BBIP1: variants seen among roughly 807,000 people sequenced by gnomAD.
The protein encoded by BBIP1 is BBSome-interacting protein 1.
Under a neutral mutation model 8.9 loss-of-function variants are expected in BBIP1, and 6 were observed. The observed-to-expected ratio is 0.67, with a 90% CI of 0.37 to 1.33. The LOEUF (loss-of-function observed/expected upper bound fraction) is 1.33, where lower values mean the gene tolerates loss of function less well. BBIP1 is among the 40% of genes most tolerant of loss of function. BBIP1 has a pLI of 0.02. For synonymous variants in BBIP1, 32 were observed against 33.4 expected, an observed-to-expected ratio of 0.96 and a Z score of 0.14; for missense variants, 111 against 109.2, an observed-to-expected ratio of 1.02 and a Z score of -0.07.
intron 2 of BBIP1, chr10:110,907,657 T>C (rs1444091298): frequency 4.6e-6 from 3 of 649,658 alleles, no homozygotes; most frequent in Non-Finnish European, 8.3e-6. Flanking sequence ...AAGTTTAGGA[T>C]CTGAAAAGTG....
Position 110,902,082 on chromosome 10 carries a change from C to G in BBIP1, c.38-470G>C, listed in dbSNP as rs142421588. 68 of 158,520 alleles carry G rather than the reference C, an allele frequency of 4.3e-4. No homozygotes were observed. In the East Asian group the frequency reaches 0.012, roughly 27 times the overall value. 9.8% of individuals were successfully genotyped at this position (158,520 alleles called of 1,614,324 possible). A position where few individuals can be genotyped will look rare whatever the true frequency, so the allele number is the denominator to read the frequency against. On this transcript the variant is annotated intron_variant, in intron 2 of 3. Coordinates refer to ENST00000448814, the MANE Select transcript of BBIP1 (RefSeq NM_001195305.3). ...TTCCTAAGATTCCTACTTGTCTCAA[C>G]GGCCAACAGCTGGTTTCTACTTTGT... is the stretch of plus-strand genomic sequence containing the variant.
chr10:110,902,464 T>C (rs905441281), intron 2 of BBIP1: 2 of 152,338 alleles, frequency 1.3e-5, no homozygotes, highest in South Asian at 2.1e-4. Context: ...GATGCAACCT[T>C]ACCATGCATC....
chr10:110,900,837 A>G (rs1280375609), intron 3 of BBIP1: 2 of 278,280 alleles, frequency 7.2e-6, no homozygotes, highest in East Asian at 1.8e-4. Context: ...ATATATACAT[A>G]GTGCAAAAAA....
chr10:110,906,859 C>T (rs1846156342), intron 2 of BBIP1: 1 of 152,186 alleles, frequency 6.6e-6, no homozygotes, highest in African/African-American at 2.4e-5. Flanking sequence ...TGTGCCCAGC[C>T]CTATTCTTCA....
intron 2 of BBIP1, chr10:110,904,434 A>T (rs1846081593): frequency 6.6e-6 from 1 of 152,198 alleles, no homozygotes; most frequent in Non-Finnish European, 1.5e-5. Flanking sequence ...TTTCAGTTTT[A>T]AGAAGAAAAT....
intron 1 of BBIP1, among the ~76,000 whole-genome samples, chr10:110,918,542 G>C (rs1250961130): frequency 6.6e-6 from 1 of 152,250 alleles, no homozygotes; most frequent in African/African-American, 2.4e-5. Context: ...GTACTTAATA[G>C]GAACTTGCGG....
Position 110,900,422 on chromosome 10 carries a change from CT to C in BBIP1, c.216del (p.Ala73HisfsTer18). 2 of 1,535,858 alleles carry C rather than the reference CT, an allele frequency of 1.3e-6. No individual in the cohort carries two copies. Among genetic ancestry groups the C allele is most frequent in the East Asian group, 2.4e-5 (1 of 40,874 alleles). The stretch of plus-strand genomic sequence containing the variant: ...TCTTGTTGGCGAATTGTATTCTGTG[CT>C]GCTTGATGCATTTTCTCTAGTTTTT... Reference protein sequence around the residue: ...TLEKLEKMHQAAQNTIRQQEM... With the variant: ...TLEKLEKMHQXAQNTIRQQEM... On this transcript the variant is annotated frameshift_variant, in exon 4 of 4. Coordinates refer to ENST00000448814, the MANE Select transcript of BBIP1 (RefSeq NM_001195305.3). LOFTEE classifies it high-confidence loss of function.
chr10:110,912,547 A>T (rs144389215), intron 2 of BBIP1, among the ~76,000 whole-genome samples: 1 of 152,162 alleles, frequency 6.6e-6, no homozygotes, highest in East Asian at 1.9e-4. Flanking sequence ...GTGGACAGAC[A>T]GAGAAGGAGA....
intron 2 of BBIP1, among the ~76,000 whole-genome samples, chr10:110,909,932 A>G (rs1425745111): frequency 1.3e-5 from 2 of 152,248 alleles, no homozygotes; most frequent in Non-Finnish European, 2.9e-5. Flanking sequence ...TACCAGCCGT[A>G]GCTAAGTGAG....
At chr10:110,915,362 C>T (rs1846378292) in intron 2 of BBIP1, among the ~76,000 whole-genome samples, 1 of 152,072 alleles carries the variant, frequency 6.6e-6, no homozygotes, top group African/African-American at 2.4e-5. Context: ...CCGTATTGCC[C>T]AGGCTGGTCT....
At chr10:110,903,126 T>C (rs993101740) in intron 2 of BBIP1, 1 of 152,210 alleles carries the variant, frequency 6.6e-6, no homozygotes, top group Non-Finnish European at 1.5e-5. Flanking sequence ...TGTTGATAAA[T>C]GTGAAGGAAA....
intron 2 of BBIP1, among the ~76,000 whole-genome samples, chr10:110,916,669 A>G (rs972275935): frequency 2.0e-5 from 3 of 152,222 alleles, no homozygotes; most frequent in Non-Finnish European, 4.4e-5. Context: ...TGCAGGGCCC[A>G]CACATCTTTC....
At chr10:110,905,854 A>G (rs912011530) in intron 2 of BBIP1, among the ~76,000 whole-genome samples, 1 of 152,210 alleles carries the variant, frequency 6.6e-6, no homozygotes, top group African/African-American at 2.4e-5. Context: ...AACATATCCA[A>G]TATAATCTAA....
chr10:110,918,410 G>C (rs958024871), intron 1 of BBIP1, among the ~76,000 whole-genome samples, 197 bp from the exon 2 acceptor site: 1 of 152,192 alleles, frequency 6.6e-6, no homozygotes, highest in Non-Finnish European at 1.5e-5. Flanking sequence ...CAGGTGGCAG[G>C]GGAAAAAGAT....
intron 3 of BBIP1, 140 bp from the exon 4 acceptor site, chr10:110,900,666 G>A: frequency 2.9e-6 from 2 of 681,662 alleles, no homozygotes; most frequent in Non-Finnish European, 4.6e-6. Flanking sequence ...GTTTTGCTCT[G>A]GAACCAGAAA....
chr10:110,903,007 C>T (rs1846042563), intron 2 of BBIP1: 1 of 152,028 alleles, frequency 6.6e-6, no homozygotes, highest in South Asian at 2.1e-4. Context: ...AAAACCACCA[C>T]CTAGCCTCTC....
chr10:110,900,979 T>C, intron 3 of BBIP1: 1 of 224,894 alleles, frequency 4.4e-6, no homozygotes, highest in South Asian at 4.9e-5. Flanking sequence ...AATTCCATTA[T>C]TTCTTTCACT....
chr10:110,914,110 C>A (rs895205272), intron 2 of BBIP1, among the ~76,000 whole-genome samples: 2 of 152,146 alleles, frequency 1.3e-5, no homozygotes, highest in Admixed American at 6.5e-5. Context: ...CCATTGTAGG[C>A]ATCTGACTTT....
chr10:110,903,125 A>G (rs1175667342), intron 2 of BBIP1: 1 of 152,212 alleles, frequency 6.6e-6, no homozygotes, highest in Non-Finnish European at 1.5e-5. Flanking sequence ...ATGTTGATAA[A>G]TGTGAAGGAA....
Sources: gnomAD v4.1 joint callset for allele counts (sites outside exome capture counted in the v4.1 genomes callset) on GRCh38, gnomAD v4.1.1 for gene constraint, MANE v1.5 for transcripts, NCBI Gene and HGNC (gene_info 2026-07-23, HGNC 2026-07-21) for gene names.